Variants in GALNT17 observed in about 807,000 individuals in gnomAD.
GALNT17 encodes the protein UDP-GalNAc:polypeptide N-acetylgalactosaminyltransferase-like 3.
Under a neutral mutation model 63.7 loss-of-function variants are expected in GALNT17, and 29 were observed. The observed-to-expected ratio is 0.46, with a 90% CI of 0.34 to 0.62. The LOEUF (loss-of-function observed/expected upper bound fraction) is 0.62. GALNT17 is among the 20% of genes least tolerant of loss of function. GALNT17 has a pLI of 0.01. For missense variants in GALNT17, 603 were observed against 799.6 expected, an observed-to-expected ratio of 0.75 and a Z score of 2.97; for synonymous variants, 305 against 318.3, an observed-to-expected ratio of 0.96 and a Z score of 0.45.
At position 71,201,241 on chromosome 7, in the gene GALNT17, T is replaced by TTTATATATATATATATATATATA. The variant is rs1789163354; in HGVS notation, c.238+68202_238+68203insTATATATATATATATATATATAT. 1.2e-4 allele frequency among the ~76,000 whole-genome samples: 17 copies of TTTATATATATATATATATATATA among 138,438 alleles called. No homozygotes were observed. The East Asian group carries it at 3.6e-3, about 29-fold the overall frequency. 90.8% of individuals were successfully genotyped at this position (138,438 alleles called of 152,430 possible). A position where few individuals can be genotyped will look rare whatever the true frequency, so the allele number is the denominator to read the frequency against. ...TGTATGGGGGTGTGTGTGTTTATTT[T>TTTATATATATATATATATATATA]TATATATATATATATAATTTGTGTG... On this transcript the variant is annotated intron_variant, in intron 1 of 10. Transcript: ENST00000333538.
At chr7:71,623,638 G>A (rs575597626) in intron 6 of GALNT17, among the ~76,000 whole-genome samples, 21 of 151,982 alleles carry the variant, frequency 1.4e-4, no homozygotes, top group African/African-American at 3.6e-4. Flanking sequence ...GTTTCATTAC[G>A]TTGGCGAGGC....
chr7:71,699,475 CA>C (rs35825722), intron 9 of GALNT17, among the ~76,000 whole-genome samples: 18,478 of 96,808 alleles, frequency 0.19, 975 homozygotes, highest in African/African-American at 0.3. Context: ...GACTCTGTCT[CA>C]AAAAAAAAAA....
chr7:71,612,422 G>A (rs1275647097), intron 6 of GALNT17, among the ~76,000 whole-genome samples: 2 of 152,170 alleles, frequency 1.3e-5, no homozygotes, highest in Non-Finnish European at 2.9e-5. Context: ...TGGACCACCA[G>A]CATCCAGCTC....
chr7:71,521,553 G>A (rs1222611533), intron 5 of GALNT17, among the ~76,000 whole-genome samples: 2 of 152,234 alleles, frequency 1.3e-5, no homozygotes, highest in Non-Finnish European at 1.5e-5. Flanking sequence ...TCTGCCTCCT[G>A]TGGGTAAGGA....
At chr7:71,682,122 T>C (rs757146812) in intron 9 of GALNT17, among the ~76,000 whole-genome samples, 1 of 151,958 alleles carries the variant, frequency 6.6e-6, no homozygotes, top group African/African-American at 2.4e-5. Context: ...TGATGGTGTT[T>C]CGCCACGTTG....
At chr7:71,193,454 CTTTTTTTT>C (rs1159902249) in intron 1 of GALNT17, among the ~76,000 whole-genome samples, 4 of 107,320 alleles carry the variant, frequency 3.7e-5, no homozygotes, top group African/African-American at 1.1e-4. Flanking sequence ...ACGCTTTTGT[CTTTTTTTT>C]TTTTTTTTTT....
At chr7:71,146,818 C>T (rs1214498165) in intron 1 of GALNT17, among the ~76,000 whole-genome samples, 1 of 152,200 alleles carries the variant, frequency 6.6e-6, no homozygotes, top group Admixed American at 6.5e-5. Flanking sequence ...CTTTGCCATG[C>T]ATGAGTAATA....
chr7:71,422,993 C>T (rs1246743664), intron 5 of GALNT17, among the ~76,000 whole-genome samples: 1 of 152,170 alleles, frequency 6.6e-6, no homozygotes, highest in African/African-American at 2.4e-5. Flanking sequence ...CCGAACTCCC[C>T]TCAGCATCCA....
Position 71,560,679 on chromosome 7 carries a change from A to C in GALNT17, c.963-10606A>C, listed in dbSNP as rs116046122. ...CTTTAGCACCGTCATGAGAAAGTTC[A>C]CTTGAGTTCATCTATAAATCGCTGG... On this transcript the variant is annotated intron_variant, in intron 5 of 10. Coordinates refer to ENST00000333538, the MANE Select transcript of GALNT17 (RefSeq NM_022479.3). Among the ~76,000 whole-genome samples, 1,382 of 152,270 alleles carry C rather than the reference A, an allele frequency of 9.1e-3. 30 individuals are homozygous for C. Among genetic ancestry groups the C allele is most frequent in the African/African-American group, 0.031 (1,278 of 41,542 alleles).
intron 5 of GALNT17, among the ~76,000 whole-genome samples, chr7:71,534,896 T>C (rs1019618809): frequency 1.4e-4 from 22 of 152,080 alleles, no homozygotes; most frequent in African/African-American, 5.3e-4. Flanking sequence ...CCTTTCTTGC[T>C]CACTTCGGAG....
At chr7:71,384,439 G>A (rs544284093) in intron 2 of GALNT17, among the ~76,000 whole-genome samples, 1 of 152,240 alleles carries the variant, frequency 6.6e-6, no homozygotes, top group East Asian at 1.9e-4. Flanking sequence ...CTACTCTGAG[G>A]ATGTCAAGGT....
At chr7:71,184,043 A>G (rs1307597268) in intron 1 of GALNT17, among the ~76,000 whole-genome samples, 1 of 152,176 alleles carries the variant, frequency 6.6e-6, no homozygotes, top group Non-Finnish European at 1.5e-5. Context: ...ATTGGGAGAT[A>G]CGGTCGTTAA....
At chr7:71,189,483 T>A (rs927018038) in intron 1 of GALNT17, among the ~76,000 whole-genome samples, 1 of 152,160 alleles carries the variant, frequency 6.6e-6, no homozygotes, top group Non-Finnish European at 1.5e-5. Flanking sequence ...GAGGGATTGA[T>A]AAGACCTGGT....
intron 9 of GALNT17, among the ~76,000 whole-genome samples, chr7:71,695,953 C>T (rs2117103573): frequency 6.6e-6 from 1 of 152,286 alleles, no homozygotes; most frequent in South Asian, 2.1e-4. Context: ...AGGAGAAACT[C>T]TGTCAATTTC....
intron 1 of GALNT17, among the ~76,000 whole-genome samples, chr7:71,201,577 T>C (rs188936983): frequency 1.3e-5 from 2 of 152,018 alleles, no homozygotes; most frequent in Admixed American, 1.3e-4. Context: ...TTTTTTTTGG[T>C]TTGATTTCTG....
chr7:71,610,679 G>T (rs1372073390), intron 6 of GALNT17, among the ~76,000 whole-genome samples: 3 of 151,994 alleles, frequency 2.0e-5, no homozygotes, highest in African/African-American at 7.2e-5. Context: ...ATGAGATTCT[G>T]GAGAAATCAG....
chr7:71,387,712 G>T (rs1392737591), intron 2 of GALNT17, among the ~76,000 whole-genome samples: 1 of 152,166 alleles, frequency 6.6e-6, no homozygotes, highest in Non-Finnish European at 1.5e-5. Context: ...AAATGGAGGG[G>T]CTGGAGTCAG....
Position 71,132,429 on chromosome 7 carries a change from C to T in GALNT17, c.-374C>T, listed in dbSNP as rs1724378575. The T allele has an allele frequency of 1.2e-5, 2 of 164,942 alleles. No homozygotes were observed. Among genetic ancestry groups the T allele is most frequent in the Admixed American group, 6.4e-5 (1 of 15,606 alleles). The allele number at this position is 164,942 out of a possible 1,614,324, so 10.2% of individuals were successfully genotyped here. ...TGTGCCTCCCGGGCAGCCCCGCCTG[C>T]CGGCCTCGGAGTCCGCGGCGCCGGC... On this transcript the variant is annotated 5_prime_UTR_variant, in exon 1 of 11. Coordinates refer to ENST00000333538, the MANE Select transcript of GALNT17 (RefSeq NM_022479.3).
intron 5 of GALNT17, among the ~76,000 whole-genome samples, chr7:71,497,379 C>T (rs566534090): frequency 6.6e-6 from 1 of 152,296 alleles, no homozygotes; most frequent in Non-Finnish European, 1.5e-5. Flanking sequence ...TTTCTGAGGC[C>T]TCTCTCCTTG....
Sources: gnomAD v4.1 joint callset for allele counts (sites outside exome capture counted in the v4.1 genomes callset) on GRCh38, gnomAD v4.1.1 for gene constraint, MANE v1.5 for transcripts, NCBI Gene and HGNC (gene_info 2026-07-23, HGNC 2026-07-21) for gene names.